The following ITSN2 variants were observed in gnomAD, a reference collection of about 807,000 sequenced individuals.
The protein encoded by ITSN2 is intersectin-2.
Under a neutral mutation model 243.7 loss-of-function variants are expected in ITSN2, and 156 were observed. The ratio of observed to expected loss-of-function variants is 0.64; its 90% CI spans 0.56 to 0.73. The LOEUF (loss-of-function observed/expected upper bound fraction) is 0.73, where lower values mean the gene tolerates loss of function less well. Ranked by LOEUF, ITSN2 falls within the 30% of genes least tolerant of loss-of-function variation. The pLI is 0.00. For missense variants in ITSN2, 1,801 were observed against 1,996.1 expected (o/e 0.90, Z 1.86); for synonymous variants, 703 against 699.9 (o/e 1.00, Z -0.07).
chr2:24,241,517 C>T (rs1444041612), intron 29 of ITSN2: 1 of 152,312 alleles, frequency 6.6e-6, no homozygotes, highest in Non-Finnish European at 1.5e-5. Context: ...CAGAGCAGGC[C>T]ACTTTCCTCT....
intron 17 of ITSN2, among the ~76,000 whole-genome samples, chr2:24,278,437 A>T (rs1678308950): frequency 6.6e-6 from 1 of 152,162 alleles, no homozygotes; most frequent in Non-Finnish European, 1.5e-5. Flanking sequence ...AAATGCATAA[A>T]CAATAGTCTA....
In ITSN2 at chr2:24,204,190, C is replaced by T. The variant is rs762160606; in HGVS notation, c.4936+55G>A. 11 of 1,575,812 alleles carry T rather than the reference C, an allele frequency of 7.0e-6. No homozygotes were observed. The highest frequency in any genetic ancestry group is 2.2e-5 in the East Asian group (1 of 44,696). On this transcript the variant is annotated intron_variant, in intron 39 of 39. Coordinates refer to ENST00000355123, the MANE Select transcript of ITSN2 (RefSeq NM_006277.3). The surrounding 1 kb of genome is among the most constrained non-coding windows in gnomAD (Gnocchi z 5.1). ...CAGCTGAAGCCCCTAGATCTGGACT[C>T]CAGGATCTAGGAAACTGGGAAAGCC...
At chr2:24,266,938 A>AAAAT (rs536692164) in intron 20 of ITSN2, among the ~76,000 whole-genome samples, 12 of 152,200 alleles carry the variant, frequency 7.9e-5, no homozygotes, top group Middle Eastern at 3.4e-3. Flanking sequence ...CCCAGTTTCA[A>AAAAT]AAATAAATAA....
chr2:24,333,573 G>C (rs1686022638), intron 1 of ITSN2, among the ~76,000 whole-genome samples: 2 of 152,130 alleles, frequency 1.3e-5, no homozygotes, highest in Admixed American at 6.6e-5. Context: ...TTTTTAGAAT[G>C]TTCATATGAT....
intron 29 of ITSN2, among the ~76,000 whole-genome samples, chr2:24,233,402 T>C (rs1261526782): frequency 6.6e-6 from 1 of 152,182 alleles, no homozygotes; most frequent in African/African-American, 2.4e-5. Context: ...CTTCGGTACC[T>C]TGGAATGTAA....
At chr2:24,236,045 G>A (rs1163821567) in intron 29 of ITSN2, among the ~76,000 whole-genome samples, 7 of 152,160 alleles carry the variant, frequency 4.6e-5, no homozygotes, top group African/African-American at 1.7e-4. Context: ...AAAACTTGTA[G>A]ACAAATGTTC....
rs1449038101 is a variant in ITSN2 at position 24,300,086 on chromosome 2, T to C, written c.1167A>G (p.Gln389=). ...GGGCTTTACGTTCTGCCTCCCTTTG[T>C]TGCTGCTCCATCAAGGCTTGGCGTC... ...EKRRQALMEQ[Q]QREAERKAQK... Residue 389 remains glutamine, a synonymous_variant, in exon 12 of 40, where the codon CAA becomes CAG. Transcript: ENST00000355123. 6 of 1,614,086 alleles carry C rather than the reference T, an allele frequency of 3.7e-6. No homozygotes were observed. The highest frequency in any genetic ancestry group is 3.3e-5 in the South Asian group (3 of 91,080).
Position 24,248,763 on chromosome 2 carries a change from A to G in ITSN2, c.3167-13T>C. On this transcript the variant is annotated splice_polypyrimidine_tract_variant and intron_variant, in intron 26 of 39. Transcript: ENST00000355123. The stretch of plus-strand genomic sequence containing the variant: ...ACCTGAGCAATCTCTGAAAAGACAA[A>G]GAAGAAACTATGAATTCAAGATTGC... 1 of 1,613,036 alleles carries G rather than the reference A, an allele frequency of 6.2e-7. No individual in the cohort carries two copies. Among genetic ancestry groups the G allele is most frequent in the Non-Finnish European group, 8.5e-7 (1 of 1,179,632 alleles).
chr2:24,270,779 G>C lies in ITSN2; in HGVS notation c.2258-11C>G, dbSNP rs1677240546. The C allele has an allele frequency of 6.9e-7, 1 of 1,445,058 alleles. No homozygotes were observed. The highest frequency in any genetic ancestry group is 9.6e-7 in the Non-Finnish European group (1 of 1,039,526). The allele number at this position is 1,445,058 out of a possible 1,614,324, so 89.5% of individuals were successfully genotyped here. On this transcript the variant is annotated splice_polypyrimidine_tract_variant and intron_variant, in intron 19 of 39. Coordinates refer to ENST00000355123, the MANE Select transcript of ITSN2 (RefSeq NM_006277.3). ...CACTAGCTGTCTCACCTAAAGAGAA[G>C]ACAATTGTCATTATTTGCAACTTAC...
intron 1 of ITSN2, among the ~76,000 whole-genome samples, chr2:24,337,769 G>A (rs527991963): frequency 6.7e-6 from 1 of 149,674 alleles, no homozygotes; most frequent in South Asian, 2.1e-4. Context: ...AGGACTACAA[G>A]TGTGCACCAC....
intron 1 of ITSN2, among the ~76,000 whole-genome samples, chr2:24,346,443 G>A (rs1027053895): frequency 5.3e-5 from 8 of 152,092 alleles, no homozygotes; most frequent in Non-Finnish European, 8.8e-5. Flanking sequence ...AACAAGGAAA[G>A]TCTAAGGAAC....
At chr2:24,301,305 A>ACTAC in intron 10 of ITSN2, 66 bp from the exon 11 acceptor site, 1 of 866,576 alleles carries the variant, frequency 1.2e-6, no homozygotes, top group Non-Finnish European at 1.9e-6. Context: ...GATTACACAG[A>ACTAC]CTACCAGTGA....
At chr2:24,344,481 A>T (rs1432343627) in intron 1 of ITSN2, among the ~76,000 whole-genome samples, 1 of 152,100 alleles carries the variant, frequency 6.6e-6, no homozygotes, top group Non-Finnish European at 1.5e-5. Context: ...ATTTTTTCTA[A>T]ATTTTCATTT....
chr2:24,240,064 A>C (rs1274030648), intron 29 of ITSN2: 1 of 152,162 alleles, frequency 6.6e-6, no homozygotes, highest in Non-Finnish European at 1.5e-5. Context: ...AACTATAAAA[A>C]TACGTTTGAA....
chr2:24,242,941 GA>G (rs1388570218), intron 29 of ITSN2, among the ~76,000 whole-genome samples: 5 of 152,212 alleles, frequency 3.3e-5, no homozygotes, highest in Admixed American at 1.3e-4. Context: ...ATAACAAAGA[GA>G]AATTCGAAAC....
chr2:24,235,457 A>G (rs1003026719), intron 29 of ITSN2, among the ~76,000 whole-genome samples: 1 of 152,134 alleles, frequency 6.6e-6, no homozygotes, highest in Non-Finnish European at 1.5e-5. Context: ...CAGCACCAAG[A>G]CTGAACCCTA....
In ITSN2 at chr2:24,261,545, T is replaced by A. The variant is rs781191969; in HGVS notation, c.2537+16A>T. The A allele has an allele frequency of 9.4e-6, 15 of 1,587,726 alleles. No individual in the cohort carries two copies. Among genetic ancestry groups the A allele is most frequent in the Admixed American group, 5.1e-5 (3 of 59,002 alleles). On this transcript the variant is annotated intron_variant, in intron 21 of 39. Transcript: ENST00000355123. ...TTGCAGATCTATATAAACTTTACTGTTAGCTAAAAACTTACTCAGAGGAAG... is the reference window on the plus strand; with the variant it reads ...TTGCAGATCTATATAAACTTTACTGATAGCTAAAAACTTACTCAGAGGAAG...
In ITSN2 at chr2:24,212,710, GA is replaced by G; in HGVS notation, c.4028del (p.Leu1343ProfsTer6). ...ASDPRCKGMP[L>X]SSFLLKPMQR... ...GCATGGGTTTCAGCAGGAAGCTGGA[GA>G]GGGGCATTCCTTTACACCGCGGGTC... On this transcript the variant is annotated frameshift_variant, in exon 33 of 40. Transcript: ENST00000355123. LOFTEE classifies it high-confidence loss of function. 2 of 1,613,968 alleles carry G rather than the reference GA, an allele frequency of 1.2e-6. No homozygotes were observed. Among genetic ancestry groups the G allele is most frequent in the South Asian group, 2.2e-5 (2 of 91,036 alleles).
At position 24,299,610 on chromosome 2, in the gene ITSN2, C is replaced by T. The variant is rs145779046; in HGVS notation, c.1344+299G>A. On this transcript the variant is annotated intron_variant, in intron 12 of 39. Coordinates refer to ENST00000355123, the MANE Select transcript of ITSN2 (RefSeq NM_006277.3). Reference sequence around the variant, plus strand: ...TTTCGTCTAATGACTTGCTCAGTTGCCTAACTAACCTTAGCTCCTCACTCA... The same window carrying T: ...TTTCGTCTAATGACTTGCTCAGTTGTCTAACTAACCTTAGCTCCTCACTCA... Among the ~76,000 whole-genome samples the T allele has an allele frequency of 8.2e-4, 125 of 152,296 alleles. 1 individual carries two copies. Among genetic ancestry groups the T allele is most frequent in the African/African-American group, 2.8e-3 (118 of 41,552 alleles).
Sources: gnomAD v4.1 joint callset for allele counts (sites outside exome capture counted in the v4.1 genomes callset) on GRCh38, gnomAD v4.1.1 for gene constraint, Gnocchi (gnomAD v3.1) non-coding constraint, MANE v1.5 for transcripts, NCBI Gene and HGNC (gene_info 2026-07-23, HGNC 2026-07-21) for gene names.